TMEM229B: variants seen among roughly 807,000 people sequenced by gnomAD.
The protein encoded by TMEM229B is transmembrane protein 229B.
Under a neutral mutation model 13.7 loss-of-function variants are expected in TMEM229B, and 6 were observed. The ratio of observed to expected loss-of-function variants is 0.44; its 90% confidence interval spans 0.24 to 0.86. The LOEUF (loss-of-function observed/expected upper bound fraction) is 0.86, where lower values mean the gene tolerates loss of function less well. Ranked by LOEUF, TMEM229B falls within the 40% of genes least tolerant of loss-of-function variation. TMEM229B has a pLI of 0.23. For synonymous variants in TMEM229B, 107 were observed against 102.1 expected, an observed-to-expected ratio of 1.05 and a Z score of -0.29; for missense variants, 170 against 236.0, an observed-to-expected ratio of 0.72 and a Z score of 1.83.
chr14:67,499,190 T>G (rs900058537), intron 1 of TMEM229B, among the ~76,000 whole-genome samples: 12 of 151,518 alleles, frequency 7.9e-5, no homozygotes, highest in African/African-American at 2.9e-4. Context: ...TTTTTGTAGA[T>G]ATGGGGTCCT....
chr14:67,516,027 T>G (rs567142226), upstream of TMEM229B, among the ~76,000 whole-genome samples: 1 of 152,338 alleles, frequency 6.6e-6, no homozygotes, highest in African/African-American at 2.4e-5. Flanking sequence ...CTAGATTCTT[T>G]TATTGGGAGG....
chr14:67,473,510 G>A lies in TMEM229B; in HGVS notation c.414C>T (p.Asn138=). ...ALIMEQFIIR[N]TLRLRFDKDA... is the part of the protein sequence containing the mutation. ...CCTTGTCGAAGCGGAGGCGGAGGGT[G>A]TTGCGGATGATGAACTGCTCCATGA... Residue 138 remains asparagine (N), a synonymous_variant, in exon 3 of 3, where the codon AAC becomes AAT. Coordinates refer to ENST00000554480, the MANE Select transcript of TMEM229B (RefSeq NM_001348543.2). This position sits in a 1 kb window ranked among gnomAD's most constrained non-coding sequence, Gnocchi z 6.5. 24 of 1,614,196 alleles carry A rather than the reference G, an allele frequency of 1.5e-5. No homozygotes were observed. Among genetic ancestry groups the A allele is most frequent in the Non-Finnish European group, 1.9e-5 (22 of 1,180,026 alleles).
chr14:67,496,197 A>T (rs997190665), intron 1 of TMEM229B, among the ~76,000 whole-genome samples: 1 of 152,038 alleles, frequency 6.6e-6, no homozygotes, highest in African/African-American at 2.4e-5. Context: ...TCTTATTATT[A>T]TTTTTAAAAA....
intron 1 of TMEM229B, among the ~76,000 whole-genome samples, chr14:67,531,445 G>A (rs754396289): frequency 4.1e-4 from 63 of 152,110 alleles, no homozygotes; most frequent in Admixed American, 2.2e-3. Flanking sequence ...CTCAGAGTTG[G>A]GCAATGGTGA....
At chr14:67,514,445 C>A (rs2033131053) in intron 1 of TMEM229B, among the ~76,000 whole-genome samples, 1 of 152,210 alleles carries the variant, frequency 6.6e-6, no homozygotes, top group Non-Finnish European at 1.5e-5. Context: ...AGGTGAAGAG[C>A]TGGCAGCCAG....
At chr14:67,509,167 T>C (rs2032942363) in intron 1 of TMEM229B, among the ~76,000 whole-genome samples, 1 of 152,180 alleles carries the variant, frequency 6.6e-6, no homozygotes, top group South Asian at 2.1e-4. Flanking sequence ...AGAAAGCGTG[T>C]TCCCTTTACA....
intron 1 of TMEM229B, among the ~76,000 whole-genome samples, chr14:67,501,569 T>C (rs1003029051): frequency 2.0e-5 from 3 of 152,084 alleles, no homozygotes; most frequent in African/African-American, 7.2e-5. Flanking sequence ...TGGTAAGCCA[T>C]GGCCACAGGC....
intron 1 of TMEM229B, chr14:67,503,695 A>C (rs1271312723): frequency 7.1e-6 from 1 of 140,482 alleles, no homozygotes; most frequent in East Asian, 2.0e-4. Context: ...TTTTTAAATT[A>C]TTTTTATTTT....
upstream of TMEM229B, chr14:67,515,510 G>T (rs917707277): frequency 2.6e-5 from 4 of 156,242 alleles, no homozygotes; most frequent in Non-Finnish European, 4.2e-5. Flanking sequence ...CTGCCGCCCG[G>T]CTTAACTCCT....
At chr14:67,487,687 T>G (rs141704105) in intron 1 of TMEM229B, among the ~76,000 whole-genome samples, 1 of 152,354 alleles carries the variant, frequency 6.6e-6, no homozygotes, top group Non-Finnish European at 1.5e-5. Context: ...TTTATTCATC[T>G]CATTTTATTA....
At position 67,522,838 on chromosome 14, in the gene TMEM229B, G is replaced by T. The variant is rs546532646; in HGVS notation, c.-192+10798C>A. Reference sequence around the variant, plus strand: ...CATCTCTATTCTTTTTACCCTCCTTGTCCTGGACCTGCTAGAACCCTGCCA... The same window carrying T: ...CATCTCTATTCTTTTTACCCTCCTTTTCCTGGACCTGCTAGAACCCTGCCA... On this transcript the variant is annotated intron_variant, in intron 1 of 2. Transcript: ENST00000554278. Among the ~76,000 whole-genome samples, 3 of 152,254 alleles carry T rather than the reference G, an allele frequency of 2.0e-5. No homozygotes were observed. In the East Asian group the frequency reaches 5.8e-4, roughly 29 times the overall value.
chr14:67,502,336 A>C lies in TMEM229B; in HGVS notation c.-192+12750T>G, dbSNP rs151157137. Among the ~76,000 whole-genome samples the C allele has an allele frequency of 8.1e-3, 1,232 of 151,980 alleles. 19 individuals carry two copies. Among genetic ancestry groups the C allele is most frequent in the African/African-American group, 0.029 (1,192 of 41,284 alleles). Reference sequence around the variant, plus strand: ...ACAGAGTGAGACTCCATCTCAAAAAAAAGAAAAGAAAGAAAAAAAAAGAAA... The same window carrying C: ...ACAGAGTGAGACTCCATCTCAAAAACAAGAAAAGAAAGAAAAAAAAAGAAA... On this transcript the variant is annotated intron_variant, in intron 1 of 2. Transcript: ENST00000357461.
intron 1 of TMEM229B, among the ~76,000 whole-genome samples, chr14:67,503,069 C>T (rs924770964): frequency 3.9e-5 from 6 of 152,036 alleles, no homozygotes; most frequent in Non-Finnish European, 7.4e-5. Context: ...AGCAGATAAC[C>T]GCACGCTAAC....
intron 1 of TMEM229B, among the ~76,000 whole-genome samples, chr14:67,500,141 G>C (rs2032545121): frequency 6.6e-6 from 1 of 152,044 alleles, no homozygotes. Context: ...TCCAGCCTGG[G>C]CAACAGAGTG....
intron 1 of TMEM229B, among the ~76,000 whole-genome samples, chr14:67,521,498 A>C (rs189575452): frequency 1.3e-5 from 2 of 152,332 alleles, no homozygotes; most frequent in Admixed American, 1.3e-4. Flanking sequence ...CTTTCATAGA[A>C]GTCTTAAAAT....
intron 1 of TMEM229B, among the ~76,000 whole-genome samples, chr14:67,497,958 G>A (rs1034657992): frequency 6.6e-6 from 1 of 151,958 alleles, no homozygotes; most frequent in African/African-American, 2.4e-5. Flanking sequence ...TATTGCTGGG[G>A]CTCAGAAACC....
chr14:67,475,670 C>T (rs1249010630), intron 2 of TMEM229B, among the ~76,000 whole-genome samples: 5 of 152,198 alleles, frequency 3.3e-5, no homozygotes, highest in African/African-American at 4.8e-5. Context: ...GGTTTCAGTG[C>T]TGAGGGGAAA....
At chr14:67,485,825 C>A (rs1409658380) in intron 2 of TMEM229B, among the ~76,000 whole-genome samples, 1 of 152,216 alleles carries the variant, frequency 6.6e-6, no homozygotes, top group East Asian at 1.9e-4. Flanking sequence ...GCTTGTCTCG[C>A]TGAGGAGGAG....
chr14:67,520,618 C>A (rs902823372), intron 1 of TMEM229B, among the ~76,000 whole-genome samples: 1 of 152,132 alleles, frequency 6.6e-6, no homozygotes, highest in Non-Finnish European at 1.5e-5. Context: ...CAAATTATGG[C>A]AATTAAGAAT....
Sources: gnomAD v4.1 joint callset for allele counts (sites outside exome capture counted in the v4.1 genomes callset) on GRCh38, gnomAD v4.1.1 for gene constraint, Gnocchi (gnomAD v3.1) non-coding constraint, MANE v1.5 for transcripts, NCBI Gene and HGNC (gene_info 2026-07-23, HGNC 2026-07-21) for gene names.